The following GNB4 variants were observed in gnomAD, a reference collection of about 807,000 sequenced individuals.
GNB4 encodes guanine nucleotide-binding protein subunit beta-4.
Under a neutral mutation model 45.2 loss-of-function variants are expected in GNB4, and 28 were observed. That is an observed-to-expected ratio of 0.62 (90% CI 0.46 to 0.85). The LOEUF is 0.85. Ranked by LOEUF, GNB4 falls within the 40% of genes least tolerant of loss-of-function variation. The pLI is 0.00. For missense variants in GNB4, 321 were observed against 425.4 expected (o/e 0.75, Z 2.16); for synonymous variants, 132 against 143.7 (o/e 0.92, Z 0.58).
At chr3:179,471,173 C>T in the GNB4 span, among the ~76,000 whole-genome samples, 2 of 81,742 alleles carry the variant, frequency 2.4e-5, no homozygotes, top group African/African-American at 5.5e-5. Flanking sequence ...AGCGAGACTC[C>T]GTCTCAAAAA....
the GNB4 span, among the ~76,000 whole-genome samples, chr3:179,480,999 C>T: frequency 8.6e-5 from 13 of 151,818 alleles, no homozygotes; most frequent in East Asian, 2.3e-3. Context: ...TACAGGCGCC[C>T]GCCACCACGC....
intron 4 of GNB4, among the ~76,000 whole-genome samples, chr3:179,416,939 A>T (rs543091857): frequency 6.6e-6 from 1 of 152,212 alleles, no homozygotes; most frequent in Non-Finnish European, 1.5e-5. Flanking sequence ...AAAAACACCA[A>T]TTGAGAGCCT....
chr3:179,416,424 T>A, intron 5 of GNB4, 69 bp downstream of exon 5: 1 of 884,550 alleles, frequency 1.1e-6, no homozygotes. Context: ...GGTAAAAGAA[T>A]AAAGGAAAGA....
chr3:179,518,718 T>A, the GNB4 span, among the ~76,000 whole-genome samples: 3 of 152,168 alleles, frequency 2.0e-5, no homozygotes, highest in Non-Finnish European at 2.9e-5. Context: ...TTTTTCTTCA[T>A]CCCAAATCAG....
At chr3:179,506,185 A>C in the GNB4 span, among the ~76,000 whole-genome samples, 1 of 152,112 alleles carries the variant, frequency 6.6e-6, no homozygotes, top group African/African-American at 2.4e-5. Context: ...TCAATATAAA[A>C]AAATTAGCCA....
rs189076688 is a variant in GNB4, at chr3:179,420,151, G to A, written c.97-646C>T. On this transcript the variant is annotated intron_variant, in intron 3 of 9. Transcript: ENST00000232564. ...ATATATATAATTTTTTTTTTTTCGA[G>A]ACAGAGTCTCACTTTGTCTCCTGGG... is the stretch of plus-strand genomic sequence containing the variant. Among the ~76,000 whole-genome samples, 396 of 147,532 alleles carry A rather than the reference G, an allele frequency of 2.7e-3. 4 individuals carry two copies. The highest frequency in any genetic ancestry group is 0.018 in the Middle Eastern group (5 of 280).
intron 1 of GNB4, among the ~76,000 whole-genome samples, chr3:179,429,976 ACT>A (rs1715257177): frequency 6.6e-6 from 1 of 152,100 alleles, no homozygotes; most frequent in Non-Finnish European, 1.5e-5. Flanking sequence ...TCAAACATGA[ACT>A]TTTTCAATCT....
chr3:179,489,008 AAAAAAAAAAAAATATAT>A, the GNB4 span, among the ~76,000 whole-genome samples: 7 of 46,770 alleles, frequency 1.5e-4, 1 homozygote, highest in African/African-American at 7.4e-4. Flanking sequence ...AAAAAAAAAA[AAAAAAAAAAAAATATAT>A]ATATATATAT....
intron 8 of GNB4, chr3:179,410,325 C>A (rs1560212142): frequency 6.6e-6 from 1 of 152,108 alleles, no homozygotes. Context: ...AGCTGGTTCT[C>A]TGAGGAGATA....
At chr3:179,469,475 C>T in the GNB4 span, among the ~76,000 whole-genome samples, 2 of 152,062 alleles carry the variant, frequency 1.3e-5, no homozygotes, top group African/African-American at 2.4e-5. Flanking sequence ...ACTATGAAAA[C>T]ATATTCTAAG....
At chr3:179,508,799 C>T in the GNB4 span, among the ~76,000 whole-genome samples, 2 of 151,530 alleles carry the variant, frequency 1.3e-5, no homozygotes, top group East Asian at 3.9e-4. Flanking sequence ...GCAAAGAAAT[C>T]GTAAAATTCA....
At chr3:179,415,333 A>G (rs1392800946) in intron 5 of GNB4, among the ~76,000 whole-genome samples, 2 of 152,234 alleles carry the variant, frequency 1.3e-5, no homozygotes, top group African/African-American at 4.8e-5. Flanking sequence ...CAAGGTTAAT[A>G]TACTGCCATT....
chr3:179,480,711 A>C, the GNB4 span, among the ~76,000 whole-genome samples: 1 of 152,084 alleles, frequency 6.6e-6, no homozygotes, highest in African/African-American at 2.4e-5. Context: ...ATTGTTACAA[A>C]ACTCCCACAG....
chr3:179,464,827 T>C, the GNB4 span: 1 of 1,337,192 alleles, frequency 7.5e-7, no homozygotes, highest in Non-Finnish European at 1.1e-6. Context: ...ATGTAATTAA[T>C]GCAGGGCGAA....
the GNB4 span, among the ~76,000 whole-genome samples, chr3:179,471,409 A>C: frequency 3.3e-5 from 5 of 152,098 alleles, no homozygotes; most frequent in Non-Finnish European, 5.9e-5. Flanking sequence ...CATGTATACC[A>C]TTTTTAAATA....
chr3:179,421,612 G>A (rs1487471787), intron 2 of GNB4, among the ~76,000 whole-genome samples: 1 of 152,160 alleles, frequency 6.6e-6, no homozygotes, highest in African/African-American at 2.4e-5. Context: ...CCTGGGCAAG[G>A]AGAACGCACA....
the GNB4 span, among the ~76,000 whole-genome samples, chr3:179,517,878 C>T: frequency 1.4e-4 from 22 of 152,242 alleles, no homozygotes; most frequent in Admixed American, 2.6e-4. Flanking sequence ...TATTCACCCA[C>T]GTTTCAGAGG....
At chr3:179,472,030 G>T in the GNB4 span, among the ~76,000 whole-genome samples, 1 of 151,922 alleles carries the variant, frequency 6.6e-6, no homozygotes, top group Admixed American at 6.6e-5. Context: ...ATTAAATTAT[G>T]ATATAGCCAC....
chr3:179,460,863 G>A, the GNB4 span, among the ~76,000 whole-genome samples: 2 of 151,984 alleles, frequency 1.3e-5, no homozygotes, highest in Non-Finnish European at 2.9e-5. Context: ...ATTCTTAAAT[G>A]TACAACAGGC....
Sources: allele counts gnomAD v4.1 joint callset (sites outside exome capture counted in the v4.1 genomes callset), GRCh38; gene constraint gnomAD v4.1.1; transcripts MANE v1.5; gene names NCBI Gene and HGNC (gene_info 2026-07-23, HGNC 2026-07-21).